The following SEMA3A variants were observed in gnomAD, a reference collection of about 807,000 sequenced individuals.
The protein encoded by SEMA3A is semaphorin 3A.
SEMA3A carries 29 observed loss-of-function variants against 97.9 expected under a neutral mutation model. That is an observed-to-expected ratio of 0.30 (90% confidence interval 0.22 to 0.40). The LOEUF (loss-of-function observed/expected upper bound fraction) is 0.40. SEMA3A is among the 10% of genes least tolerant of loss of function. The probability of loss-of-function intolerance (pLI) is 1.00; values close to 1 mark genes in which losing one functional copy is unlikely to be tolerated. For synonymous variants in SEMA3A, 321 were observed against 323.7 expected, an observed-to-expected ratio of 0.99 and a Z score of 0.09; for missense variants, 763 against 951.3, an observed-to-expected ratio of 0.80 and a Z score of 2.60.
At chr7:84,345,099 A>G (rs1323245624) in intron 2 of SEMA3A, among the ~76,000 whole-genome samples, 1 of 152,188 alleles carries the variant, frequency 6.6e-6, no homozygotes, top group Non-Finnish European at 1.5e-5. Context: ...CAATAGAGCA[A>G]ATATCTCAAT....
intron 14 of SEMA3A, among the ~76,000 whole-genome samples, chr7:83,978,534 T>A (rs963703112): frequency 2.6e-5 from 4 of 152,284 alleles, no homozygotes; most frequent in African/African-American, 9.6e-5. Context: ...GCTATTTTAA[T>A]GGGTATTGTC....
Position 84,100,273 on chromosome 7 carries a change from C to G in SEMA3A, c.453+10197G>C, listed in dbSNP as rs557977653. On this transcript the variant is annotated intron_variant, in intron 4 of 16. Transcript: ENST00000265362. ...AAGTGTAAATCCAGGAGAAAAAAATCACTCCGACATAGTCCTCTAAACCAG... is the reference window on the plus strand; with the variant it reads ...AAGTGTAAATCCAGGAGAAAAAAATGACTCCGACATAGTCCTCTAAACCAG... Among the ~76,000 whole-genome samples, 12 of 152,180 alleles carry G rather than the reference C, an allele frequency of 7.9e-5. No homozygotes were observed. In the South Asian group the frequency reaches 2.5e-3, roughly 32 times the overall value.
At chr7:84,018,124 C>T (rs906001520) in intron 6 of SEMA3A, among the ~76,000 whole-genome samples, 16 of 152,144 alleles carry the variant, frequency 1.1e-4, no homozygotes, top group African/African-American at 3.9e-4. Context: ...GACAAATATA[C>T]ATCTTTAATG....
chr7:84,418,602 G>A (rs1378090818), intron 1 of SEMA3A, among the ~76,000 whole-genome samples: 1 of 152,018 alleles, frequency 6.6e-6, no homozygotes, highest in Admixed American at 6.6e-5. Flanking sequence ...GCAGGTTGCT[G>A]AGTCCTCTAT....
At chr7:84,334,957 A>G (rs2115963614) in intron 2 of SEMA3A, among the ~76,000 whole-genome samples, 1 of 152,044 alleles carries the variant, frequency 6.6e-6, no homozygotes, top group Non-Finnish European at 1.5e-5. Context: ...AACAATAATG[A>G]TTTTATCTTG....
intron 5 of SEMA3A, among the ~76,000 whole-genome samples, chr7:84,049,767 G>A (rs1196011921): frequency 6.6e-6 from 1 of 150,868 alleles, no homozygotes; most frequent in Non-Finnish European, 1.5e-5. Flanking sequence ...ACAATGTGCA[G>A]GTTAGTTACA....
At position 83,956,912 on chromosome 7, in the gene SEMA3A, C is replaced by G. The variant is rs1415395582; in HGVS notation, c.*4459G>C. 6.6e-6 allele frequency: 1 copy of G among 151,930 alleles called. No individual in the cohort carries two copies. The highest frequency in any genetic ancestry group is 1.5e-5 in the Non-Finnish European group (1 of 67,964). 9.4% of individuals were successfully genotyped at this position (151,930 alleles called of 1,614,324 possible). A position where few individuals can be genotyped will look rare whatever the true frequency, so the allele number is the denominator to read the frequency against. On this transcript the variant is annotated 3_prime_UTR_variant, in exon 17 of 17. Transcript: ENST00000265362. ...ATGATCTCTCTCCACAAGTTAATTC[C>G]TCCTTTTTTTTTTCTTTGATCCATA...
intron 3 of SEMA3A, among the ~76,000 whole-genome samples, chr7:84,247,268 A>T (rs1014272292): frequency 2.6e-5 from 4 of 152,160 alleles, no homozygotes; most frequent in Non-Finnish European, 1.5e-5. Flanking sequence ...TTAGCTTTAC[A>T]AATTTTTAAA....
At chr7:83,994,789 C>CG (rs1156725650) in intron 12 of SEMA3A, among the ~76,000 whole-genome samples, 1 of 151,854 alleles carries the variant, frequency 6.6e-6, no homozygotes, top group East Asian at 2.0e-4. Flanking sequence ...GCCCTGCCCC[C>CG]AGAGGTGGAG....
At chr7:84,301,743 T>G (rs1801021628) in intron 3 of SEMA3A, among the ~76,000 whole-genome samples, 1 of 152,178 alleles carries the variant, frequency 6.6e-6, no homozygotes, top group Non-Finnish European at 1.5e-5. Context: ...TCCCATATAC[T>G]TCTATTCACA....
In SEMA3A at chr7:84,011,042, A is replaced by G; in HGVS notation, c.975T>C (p.Tyr325=). The G allele has an allele frequency of 6.2e-7, 1 of 1,610,658 alleles. No individual in the cohort carries two copies. The change falls in exon 9 of 17, where the codon TAT becomes TAC. Residue 325 remains tyrosine, a synonymous_variant. Transcript: ENST00000265362. ...NFKDPKNPVV[Y]GVFTTSSNIF... ...CTTACCTGGAAGTCGTAAACACTCC[A>G]TATACAACTGGATTTTTAGGATCTT...
chr7:84,000,964 G>C (rs539926151), intron 12 of SEMA3A, among the ~76,000 whole-genome samples: 19 of 151,944 alleles, frequency 1.3e-4, no homozygotes, highest in African/African-American at 4.1e-4. Flanking sequence ...TCATTTTATA[G>C]GTAAACTACC....
chr7:84,293,401 AT>A (rs199704632), intron 3 of SEMA3A, among the ~76,000 whole-genome samples: 5 of 151,406 alleles, frequency 3.3e-5, no homozygotes, highest in Non-Finnish European at 3.0e-5. Flanking sequence ...TGAATCAATA[AT>A]TTTTTTTTGT....
intron 1 of SEMA3A, among the ~76,000 whole-genome samples, chr7:84,455,816 G>A (rs1323785239): frequency 6.6e-6 from 1 of 151,886 alleles, no homozygotes; most frequent in Admixed American, 6.6e-5. Context: ...TTTTATATAT[G>A]GGAGAGGGAA....
At chr7:84,100,247 G>A (rs1330532054) in intron 4 of SEMA3A, among the ~76,000 whole-genome samples, 3 of 152,046 alleles carry the variant, frequency 2.0e-5, no homozygotes, top group Non-Finnish European at 4.4e-5. Flanking sequence ...AAGTATTTCT[G>A]AAGTGTAAAT....
At chr7:84,209,092 C>T (rs188838575) in intron 3 of SEMA3A, among the ~76,000 whole-genome samples, 170 of 152,248 alleles carry the variant, frequency 1.1e-3, no homozygotes, top group African/African-American at 4.0e-3. Flanking sequence ...TTCATGTATG[C>T]TATGGAAGAA....
At chr7:84,454,816 T>A (rs1002731406) in intron 1 of SEMA3A, among the ~76,000 whole-genome samples, 1 of 151,994 alleles carries the variant, frequency 6.6e-6, no homozygotes, top group Admixed American at 6.6e-5. Context: ...TTTTTACAAC[T>A]GTCAAAGTAC....
chr7:84,310,301 T>C (rs898928367), intron 2 of SEMA3A, among the ~76,000 whole-genome samples: 2 of 151,888 alleles, frequency 1.3e-5, no homozygotes, highest in Non-Finnish European at 2.9e-5. Flanking sequence ...TTTTCACCTA[T>C]CTTTGGGGAA....
intron 1 of SEMA3A, among the ~76,000 whole-genome samples, chr7:84,183,390 C>A (rs1428058630): frequency 6.6e-6 from 1 of 152,024 alleles, no homozygotes; most frequent in East Asian, 1.9e-4. Context: ...ATACTATAAG[C>A]AGAGTATGAC....
Sources: gnomAD v4.1 joint callset for allele counts (sites outside exome capture counted in the v4.1 genomes callset) on GRCh38, gnomAD v4.1.1 for gene constraint, MANE v1.5 for transcripts, NCBI Gene and HGNC (gene_info 2026-07-23, HGNC 2026-07-21) for gene names.